Variants in SLC13A3 observed in about 807,000 individuals in gnomAD.
The protein encoded by SLC13A3 is solute carrier family 13 member 3.
In SLC13A3, 40 loss-of-function variants were observed where a neutral mutation model predicts 59.0. The observed-to-expected ratio is 0.68, with a 90% CI of 0.53 to 0.88. The LOEUF is 0.88. Among genes scored for constraint, SLC13A3 ranks in the 40% least tolerant of loss-of-function variants. The probability of loss-of-function intolerance (pLI) is 0.00; values close to 1 mark genes in which losing one functional copy is unlikely to be tolerated. For missense variants in SLC13A3, 699 were observed against 783.2 expected, an observed-to-expected ratio of 0.89 and a Z score of 1.28; for synonymous variants, 317 against 330.3, an observed-to-expected ratio of 0.96 and a Z score of 0.44.
At chr20:46,583,398 A>C in intron 9 of SLC13A3, 174 bp downstream of exon 9, 2 of 1,411,974 alleles carry the variant, frequency 1.4e-6, no homozygotes, top group Non-Finnish European at 1.8e-6. Context: ...CCTGTCCTGG[A>C]CTACCACCTG....
chr20:46,618,150 A>C (rs146761101), intron 1 of SLC13A3, among the ~76,000 whole-genome samples: 6 of 150,256 alleles, frequency 4.0e-5, no homozygotes, highest in Non-Finnish European at 8.8e-5. Context: ...TGTAGTCCAC[A>C]CCGCTACTTG....
At chr20:46,636,385 T>C (rs1201715335) in intron 1 of SLC13A3, among the ~76,000 whole-genome samples, 1 of 152,192 alleles carries the variant, frequency 6.6e-6, no homozygotes, top group Non-Finnish European at 1.5e-5. Flanking sequence ...ACCTAGAAGG[T>C]ACTCAATTGA....
intron 1 of SLC13A3, among the ~76,000 whole-genome samples, chr20:46,650,543 T>C (rs946132764): frequency 6.6e-6 from 1 of 152,232 alleles, no homozygotes; most frequent in African/African-American, 2.4e-5. Flanking sequence ...GCATTTATTC[T>C]GTACAAGGTT....
chr20:46,628,996 G>A (rs1472239214), intron 1 of SLC13A3, among the ~76,000 whole-genome samples: 1 of 152,198 alleles, frequency 6.6e-6, no homozygotes, highest in African/African-American at 2.4e-5. Context: ...ATAATATTGG[G>A]ATGTCTACAT....
rs143334841 is a variant in SLC13A3, at chr20:46,589,202, C to T, written c.974G>A (p.Arg325Gln). Residue 325 changes from arginine (R) to glutamine (Q), a missense_variant, in exon 7 of 13, where the codon CGA (arginine) becomes CAA (glutamine). Transcript: ENST00000279027. The part of the protein sequence containing the change: ...EIRTNAEDRA[R>Q]AVIREEYQNL... ...CTGGTATTCTTCCCGAATTACAGCT[C>T]GAGCCCTATCTTCTGCATTGGTTCT... is the stretch of plus-strand genomic sequence containing the variant. 806 of 1,614,160 alleles carry T rather than the reference C, an allele frequency of 5.0e-4. 1 individual carries two copies. Among genetic ancestry groups the T allele is most frequent in the Middle Eastern group, 6.6e-4 (4 of 6,060 alleles).
intron 1 of SLC13A3, among the ~76,000 whole-genome samples, chr20:46,615,031 C>T (rs1157930455): frequency 6.6e-6 from 1 of 152,178 alleles, no homozygotes; most frequent in African/African-American, 2.4e-5. Context: ...ACCTGTCAAA[C>T]TACACACCTG....
chr20:46,598,406 G>A (rs2062336956), intron 4 of SLC13A3, among the ~76,000 whole-genome samples: 1 of 152,196 alleles, frequency 6.6e-6, no homozygotes, highest in Non-Finnish European at 1.5e-5. Flanking sequence ...GGGCCCTAGA[G>A]TTTATCTAGA....
At chr20:46,561,136 C>T (rs1041473102) in intron 12 of SLC13A3, among the ~76,000 whole-genome samples, 5 of 152,194 alleles carry the variant, frequency 3.3e-5, no homozygotes, top group South Asian at 2.1e-4. Flanking sequence ...AAAGGCTCAT[C>T]AGAGACTCAA....
chr20:46,632,767 G>A (rs1277757697), intron 1 of SLC13A3, among the ~76,000 whole-genome samples: 7 of 151,954 alleles, frequency 4.6e-5, no homozygotes, highest in South Asian at 4.2e-4. Context: ...AAAAGGCTGG[G>A]TGCAACATAT....
intron 10 of SLC13A3, among the ~76,000 whole-genome samples, chr20:46,574,589 A>C (rs2062056785): frequency 1.3e-5 from 2 of 152,204 alleles, no homozygotes; most frequent in South Asian, 4.1e-4. Flanking sequence ...TAACATTAAT[A>C]ATAACATCCA....
At chr20:46,627,453 C>T (rs1386560465) in intron 1 of SLC13A3, among the ~76,000 whole-genome samples, 1 of 152,124 alleles carries the variant, frequency 6.6e-6, no homozygotes, top group African/African-American at 2.4e-5. Context: ...ACAGGGGCCT[C>T]CCCTACCACG....
intron 3 of SLC13A3, among the ~76,000 whole-genome samples, chr20:46,603,392 T>A (rs1236712116): frequency 1.3e-5 from 2 of 152,036 alleles, no homozygotes; most frequent in East Asian, 3.9e-4. Flanking sequence ...ATTTTTGTTT[T>A]GAGATAGGAT....
chr20:46,600,093 T>A (rs2062357508), intron 3 of SLC13A3, 56 bp from the exon 4 acceptor site: 3 of 1,345,904 alleles, frequency 2.2e-6, no homozygotes, highest in Non-Finnish European at 3.0e-6. Context: ...AACAGGAGTG[T>A]CCCAAATCTT....
chr20:46,583,018 G>A (rs906129411), intron 9 of SLC13A3: 34 of 985,932 alleles, frequency 3.4e-5, no homozygotes, highest in Non-Finnish European at 4.1e-5. Context: ...AACCCAGCTT[G>A]TGTTTTCCAT....
In SLC13A3 at chr20:46,630,716, A is replaced by G. The variant is rs569992454; in HGVS notation, c.112-16991T>C. ...TCCCACCTAGTAATTCTGTGATCAG[A>G]AAGTGCTGTTTTCTTTTGCATATCT... On this transcript the variant is annotated intron_variant, in intron 1 of 12. Coordinates refer to ENST00000279027, the MANE Select transcript of SLC13A3 (RefSeq NM_022829.6). Among the ~76,000 whole-genome samples the G allele has an allele frequency of 6.6e-5, 10 of 152,370 alleles. No homozygotes were observed. The South Asian group carries it at 1.0e-3, about 16-fold the overall frequency.
At chr20:46,681,505 C>T (rs984450784) in intron 1 of SLC13A3, among the ~76,000 whole-genome samples, 1 of 147,958 alleles carries the variant, frequency 6.8e-6, no homozygotes, top group Non-Finnish European at 1.5e-5. Context: ...TTTACCTGTT[C>T]GCACCAAGAA....
At chr20:46,608,379 G>C (rs972902016) in intron 3 of SLC13A3, among the ~76,000 whole-genome samples, 8 of 152,206 alleles carry the variant, frequency 5.3e-5, no homozygotes, top group Non-Finnish European at 1.2e-4. Flanking sequence ...GGGCAGCGTT[G>C]AGTAGTTGCA....
At chr20:46,582,544 G>T in intron 9 of SLC13A3, 1 of 717,224 alleles carries the variant, frequency 1.4e-6, no homozygotes, top group Non-Finnish European at 1.7e-6. Flanking sequence ...TCGAGACTGC[G>T]CTGAGCTGTG....
intron 6 of SLC13A3, among the ~76,000 whole-genome samples, chr20:46,591,684 T>C (rs540855061): frequency 2.0e-5 from 3 of 152,204 alleles, no homozygotes; most frequent in Non-Finnish European, 4.4e-5. Flanking sequence ...CATAATATGA[T>C]TTGGTGTTAT....
Sources: gnomAD v4.1 joint callset for allele counts (sites outside exome capture counted in the v4.1 genomes callset) on GRCh38, gnomAD v4.1.1 for gene constraint, MANE v1.5 for transcripts, NCBI Gene and HGNC (gene_info 2026-07-23, HGNC 2026-07-21) for gene names.